Variants in NCAM2 observed in about 807,000 individuals in gnomAD.
NCAM2 encodes the protein neural cell adhesion molecule 2.
Under a neutral mutation model 98.1 loss-of-function variants are expected in NCAM2, and 30 were observed. That is an observed-to-expected ratio of 0.31 (90% confidence interval 0.23 to 0.41). The LOEUF is 0.41. Ranked by LOEUF, NCAM2 falls within the 10% of genes least tolerant of loss-of-function variation. The probability of loss-of-function intolerance (pLI) is 1.00; values close to 1 mark genes in which losing one functional copy is unlikely to be tolerated. For missense variants in NCAM2, 867 were observed against 1,005.8 expected, an observed-to-expected ratio of 0.86 and a Z score of 1.87; for synonymous variants, 368 against 342.4, an observed-to-expected ratio of 1.07 and a Z score of -0.83.
chr21:21,234,554 C>G (rs961164882), intron 1 of NCAM2, among the ~76,000 whole-genome samples: 2 of 151,880 alleles, frequency 1.3e-5, no homozygotes, highest in African/African-American at 4.8e-5. Flanking sequence ...TAAACATTTT[C>G]TGTGTTAAAG....
chr21:21,473,932 G>A (rs1984814321), intron 14 of NCAM2, among the ~76,000 whole-genome samples: 1 of 149,404 alleles, frequency 6.7e-6, no homozygotes. Flanking sequence ...TTGCTTAAGA[G>A]AAGCGATACC....
intron 1 of NCAM2, among the ~76,000 whole-genome samples, chr21:21,015,446 G>T (rs1601095074): frequency 6.6e-6 from 1 of 152,162 alleles, no homozygotes; most frequent in East Asian, 1.9e-4. Context: ...CCAGCTAAAG[G>T]ATTAGGACCC....
intron 16 of NCAM2, among the ~76,000 whole-genome samples, chr21:21,525,292 TAGAG>T (rs1362611652): frequency 2.6e-5 from 4 of 151,890 alleles, no homozygotes; most frequent in Non-Finnish European, 5.9e-5. Flanking sequence ...AAGACAGAGA[TAGAG>T]AAAGAAAATA....
intron 1 of NCAM2, among the ~76,000 whole-genome samples, chr21:21,256,870 T>C (rs1290252963): frequency 6.6e-6 from 1 of 152,186 alleles, no homozygotes; most frequent in Non-Finnish European, 1.5e-5. Context: ...ACCTAAAATG[T>C]AATGACCTCA....
chr21:21,464,950 C>A (rs1298488247), intron 12 of NCAM2, among the ~76,000 whole-genome samples: 1 of 152,070 alleles, frequency 6.6e-6, no homozygotes, highest in Non-Finnish European at 1.5e-5. Flanking sequence ...TCAATCTATT[C>A]CCAATTGGCC....
At chr21:21,276,927 AAATT>A (rs1391516380) in intron 1 of NCAM2, among the ~76,000 whole-genome samples, 8 of 152,098 alleles carry the variant, frequency 5.3e-5, no homozygotes, top group Admixed American at 2.6e-4. Flanking sequence ...TAATATAAAT[AAATT>A]AATTAATTTC....
intron 1 of NCAM2, among the ~76,000 whole-genome samples, chr21:21,108,772 T>C (rs1341552008): frequency 2.6e-5 from 4 of 152,238 alleles, no homozygotes; most frequent in Middle Eastern, 3.4e-3. Flanking sequence ...TCCCTACTTA[T>C]TGTATTGGAA....
At chr21:21,461,123 A>G (rs1240164052) in intron 12 of NCAM2, among the ~76,000 whole-genome samples, 1 of 151,836 alleles carries the variant, frequency 6.6e-6, no homozygotes, top group Non-Finnish European at 1.5e-5. Flanking sequence ...GTAATTACAC[A>G]TTTGTGATAT....
chr21:21,255,050 T>A (rs907987123), intron 1 of NCAM2, among the ~76,000 whole-genome samples: 6 of 152,214 alleles, frequency 3.9e-5, no homozygotes, highest in African/African-American at 1.4e-4. Flanking sequence ...TGCCAAATGA[T>A]ATCTTGGATA....
At chr21:21,307,065 G>A (rs984927404) in intron 5 of NCAM2, among the ~76,000 whole-genome samples, 9 of 504 alleles carry the variant, frequency 0.018, no homozygotes, top group Non-Finnish European at 0.03. Context: ...GTGTACAGTT[G>A]TGGTTTTTTA....
intron 1 of NCAM2, among the ~76,000 whole-genome samples, chr21:21,265,463 ATG>A (rs1456323793): frequency 3.5e-5 from 5 of 141,360 alleles, no homozygotes; most frequent in African/African-American, 7.8e-5. Context: ...TATATAATAT[ATG>A]TGTGTATATA....
chr21:21,233,071 G>A (rs1042800999), intron 1 of NCAM2, among the ~76,000 whole-genome samples: 20 of 151,476 alleles, frequency 1.3e-4, no homozygotes, highest in Non-Finnish European at 1.5e-5. Flanking sequence ...ATGTTTGAGA[G>A]GTAGTTTTGG....
intron 1 of NCAM2, among the ~76,000 whole-genome samples, chr21:21,139,900 C>T (rs8130281): frequency 0.98 from 149,378 of 152,244 alleles, 73,331 homozygotes; most frequent in East Asian, 1. Flanking sequence ...CACAAGTTCA[C>T]GTCTTACACA....
intron 1 of NCAM2, among the ~76,000 whole-genome samples, chr21:21,278,923 T>A (rs573242282): frequency 6.6e-6 from 1 of 152,192 alleles, no homozygotes; most frequent in Non-Finnish European, 1.5e-5. Context: ...TGAAATCTCA[T>A]GGGTTTATTT....
intron 8 of NCAM2, among the ~76,000 whole-genome samples, chr21:21,354,132 G>A (rs1403094130): frequency 1.3e-5 from 2 of 151,988 alleles, no homozygotes; most frequent in East Asian, 3.9e-4. Flanking sequence ...ATATCATCTA[G>A]CAGATGACAT....
chr21:21,265,340 G>A (rs1372531480), intron 1 of NCAM2, among the ~76,000 whole-genome samples: 3 of 119,810 alleles, frequency 2.5e-5, no homozygotes, highest in Admixed American at 9.1e-5. Flanking sequence ...TAATATATAT[G>A]TGTATGTATG....
chr21:21,358,068 G>T (rs1444348), intron 8 of NCAM2, among the ~76,000 whole-genome samples: 15,084 of 152,052 alleles, frequency 0.099, 917 homozygotes, highest in East Asian at 0.29. Flanking sequence ...CCAAACAAGA[G>T]AATGTCTATT....
At chr21:21,300,219 A>G (rs2073658828) in intron 5 of NCAM2, among the ~76,000 whole-genome samples, 1 of 151,964 alleles carries the variant, frequency 6.6e-6, no homozygotes, top group South Asian at 2.1e-4. Flanking sequence ...CCTGTGAGAG[A>G]CAATCCCCTG....
At chr21:21,509,131 T>C (rs1335536687) in intron 16 of NCAM2, 76 bp downstream of exon 16, 24 of 1,428,698 alleles carry the variant, frequency 1.7e-5, no homozygotes. Context: ...CCTGAGGGCG[T>C]TGTAGGGTAA....
Sources: gnomAD v4.1 joint callset for allele counts (sites outside exome capture counted in the v4.1 genomes callset) on GRCh38, gnomAD v4.1.1 for gene constraint, MANE v1.5 for transcripts, NCBI Gene and HGNC (gene_info 2026-07-23, HGNC 2026-07-21) for gene names.